ZNF395: variants seen among roughly 807,000 people sequenced by gnomAD.
ZNF395 encodes the protein zinc finger protein 395, also known as HD gene regulatory region-binding protein 2.
ZNF395 carries 20 observed loss-of-function variants against 57.7 expected under a neutral mutation model. That is an observed-to-expected ratio of 0.35 (90% CI 0.24 to 0.50). The LOEUF (loss-of-function observed/expected upper bound fraction) is 0.50, where lower values mean the gene tolerates loss of function less well. Among genes scored for constraint, ZNF395 ranks in the 20% least tolerant of loss-of-function variants. ZNF395 has a pLI of 0.97. For missense variants in ZNF395, 606 were observed against 671.2 expected (o/e 0.90, Z 1.07); for synonymous variants, 295 against 275.9 (o/e 1.07, Z -0.69).
chr8:28,357,824 G>A (rs1283465432), intron 3 of ZNF395, among the ~76,000 whole-genome samples: 1 of 152,174 alleles, frequency 6.6e-6, no homozygotes, highest in African/African-American at 2.4e-5. Context: ...AACACAGAGA[G>A]GTGGGATAGG....
At position 28,348,558 on chromosome 8, in the gene ZNF395, A is replaced by G. The variant is rs1333276869; in HGVS notation, c.*161T>C. ...TTTTAAAAAATAAAATGTTCGCACA[A>G]TGGGAGAAAATTGCTTTAAGTGTTA... On this transcript the variant is annotated 3_prime_UTR_variant, in exon 10 of 10. Transcript: ENST00000344423. The G allele has an allele frequency of 1.6e-6, 1 of 641,334 alleles. No homozygotes were observed. The highest frequency in any genetic ancestry group is 2.8e-6 in the Non-Finnish European group (1 of 361,942). 39.7% of individuals were successfully genotyped at this position (641,334 alleles called of 1,614,324 possible).
In ZNF395 at chr8:28,356,570, T is replaced by A. The variant is rs1801781699; in HGVS notation, c.583+100A>T. 4 of 799,530 alleles carry A rather than the reference T, an allele frequency of 5.0e-6. No individual in the cohort carries two copies. Among genetic ancestry groups the A allele is most frequent in the Non-Finnish European group, 8.0e-6 (4 of 497,506 alleles). The allele number at this position is 799,530 out of a possible 1,614,324, so 49.5% of individuals were successfully genotyped here. ...GTGGGAGGTGTCCCTGGACATTCTA[T>A]TGCCAGGCTGGTGACATAGGCAACT... On this transcript the variant is annotated intron_variant, in intron 4 of 9. Transcript: ENST00000344423. The surrounding 1 kb of genome is among the most constrained non-coding windows in gnomAD (Gnocchi z 4.0).
Position 28,359,536 on chromosome 8 carries a change from C to T in ZNF395, c.473+56G>A. 3 of 1,537,652 alleles carry T rather than the reference C, an allele frequency of 2.0e-6. No homozygotes were observed. Among genetic ancestry groups the T allele is most frequent in the Non-Finnish European group, 2.6e-6 (3 of 1,140,402 alleles). ...TCCCCACCACAACACAGCCCACACC[C>T]TTACACCACACTACCCACGTGACTT... is the stretch of plus-strand genomic sequence containing the variant. On this transcript the variant is annotated intron_variant, in intron 3 of 9. Coordinates refer to ENST00000344423, the MANE Select transcript of ZNF395 (RefSeq NM_018660.3). This position sits in a 1 kb window ranked among gnomAD's most constrained non-coding sequence, Gnocchi z 4.7.
At chr8:28,353,443 C>T (rs774128952) in intron 4 of ZNF395, 35 bp from the exon 5 acceptor site, 2 of 1,446,900 alleles carry the variant, frequency 1.4e-6, no homozygotes, top group South Asian at 1.4e-5. Flanking sequence ...AGGACGCTCA[C>T]GGGCGTGTCC....
Position 28,352,788 on chromosome 8 carries a change from TC to T in ZNF395, c.820-116del. On this transcript the variant is annotated intron_variant, in intron 5 of 9. Transcript: ENST00000344423. This position sits in a 1 kb window ranked among gnomAD's most constrained non-coding sequence, Gnocchi z 4.0. Reference sequence around the variant, plus strand: ...TCCCCGGCCTGACCCAACAAAAACCTCCAGGAAAGGGGTTCTCTGGGACCAG... The same window carrying T: ...TCCCCGGCCTGACCCAACAAAAACCTCAGGAAAGGGGTTCTCTGGGACCAG... 1.2e-6 allele frequency: 1 copy of T among 828,666 alleles called. No homozygotes were observed. Among genetic ancestry groups the T allele is most frequent in the Non-Finnish European group, 1.9e-6 (1 of 519,582 alleles). The allele number at this position is 828,666 out of a possible 1,614,324, so 51.3% of individuals were successfully genotyped here.
Position 28,359,456 on chromosome 8 carries a change from G to T in ZNF395, c.473+136C>A. 1 of 1,239,968 alleles carries T rather than the reference G, an allele frequency of 8.1e-7. No individual in the cohort carries two copies. The highest frequency in any genetic ancestry group is 1.1e-6 in the Non-Finnish European group (1 of 913,844). The allele number at this position is 1,239,968 out of a possible 1,614,324, so 76.8% of individuals were successfully genotyped here. A position where few individuals can be genotyped will look rare whatever the true frequency, so the allele number is the denominator to read the frequency against. ...TTTTCTTAAAAGATTCCCCTTTTCT[G>T]TGTCCCATTTGTCCCAATATCTTGG... On this transcript the variant is annotated intron_variant, in intron 3 of 9. Coordinates refer to ENST00000344423, the MANE Select transcript of ZNF395 (RefSeq NM_018660.3). This position sits in a 1 kb window ranked among gnomAD's most constrained non-coding sequence, Gnocchi z 4.7.
At chr8:28,364,920 G>A (rs1467774405) in intron 1 of ZNF395, among the ~76,000 whole-genome samples, 1 of 152,198 alleles carries the variant, frequency 6.6e-6, no homozygotes, top group Admixed American at 6.5e-5. Flanking sequence ...CTGTTAAGCA[G>A]CCCAAGCCAC....
chr8:28,364,245 C>T (rs577351223), intron 1 of ZNF395, among the ~76,000 whole-genome samples: 1 of 152,346 alleles, frequency 6.6e-6, no homozygotes, highest in South Asian at 2.1e-4. Flanking sequence ...TCAGAGGTCA[C>T]AATCCTGCCA....
chr8:28,370,763 C>T (rs886407552), intron 1 of ZNF395, among the ~76,000 whole-genome samples: 1 of 152,134 alleles, frequency 6.6e-6, no homozygotes, highest in African/African-American at 2.4e-5. Flanking sequence ...GACACACACA[C>T]CCCCGCCACC....
chr8:28,375,661 G>C (rs1321406025), intron 1 of ZNF395, among the ~76,000 whole-genome samples: 1 of 152,064 alleles, frequency 6.6e-6, no homozygotes, highest in African/African-American at 2.4e-5. Flanking sequence ...TTTCTCTCCC[G>C]GCTGCAGCAG....
chr8:28,355,856 C>A (rs1801772467), intron 4 of ZNF395, among the ~76,000 whole-genome samples: 1 of 152,170 alleles, frequency 6.6e-6, no homozygotes, highest in African/African-American at 2.4e-5. Flanking sequence ...TAGGGAGATT[C>A]CTTATGAGGG....
At chr8:28,377,748 CTTTTTTTTTTTT>C (rs71549661) in intron 1 of ZNF395, among the ~76,000 whole-genome samples, 2 of 100,634 alleles carry the variant, frequency 2.0e-5, no homozygotes, top group Non-Finnish European at 3.7e-5. Flanking sequence ...GATGATCCCA[CTTTTTTTTTTTT>C]TTTTTTTTTT....
At position 28,353,372 on chromosome 8, in the gene ZNF395, C is replaced by A; in HGVS notation, c.620G>T (p.Gly207Val). The change falls in exon 5 of 10, where the codon GGT (glycine) becomes GTT (valine). Residue 207 changes from glycine (G) to valine (V), a missense_variant. This residue lies in a region of ZNF395 where 309 missense variants were observed against 374.7 expected (regional missense o/e 0.82). Transcript: ENST00000344423. ...GCTGCTGCCGCTGTCCGAGATGTCA[C>A]CACTCTCCTTCCATGGGTCGCAGGC... Reference protein sequence around the residue: ...RAACDPWKESGDISDSGSSTT... With the variant: ...RAACDPWKESVDISDSGSSTT... 6.3e-7 allele frequency: 1 copy of A among 1,583,876 alleles called. No individual in the cohort carries two copies. The highest frequency in any genetic ancestry group is 8.6e-7 in the Non-Finnish European group (1 of 1,163,858).
rs1392983413 is a variant in ZNF395, at chr8:28,351,557, C to T, written c.1171G>A (p.Gly391Arg). The change falls in exon 7 of 10, where the codon GGG becomes AGG. Residue 391 changes from glycine to arginine, a missense_variant. By Grantham distance (125) the Gly-to-Arg change is moderately radical. Around this residue, in one of 3 missense-constraint regions of ZNF395, gnomAD observed 261 missense variants for 240.3 expected, o/e 1.09. Coordinates refer to ENST00000344423, the MANE Select transcript of ZNF395 (RefSeq NM_018660.3). ...CCAGGAGCTGACTTGCTGAGAGCCC[C>T]TGAGGGCAGGGAGGACTCCGGGCCA... ...HPGPESSLPSGALSKSAPGSF... is the reference protein window; with the variant it reads ...HPGPESSLPSRALSKSAPGSF... 1.9e-6 allele frequency: 3 copies of T among 1,613,790 alleles called. No individual in the cohort carries two copies. The South Asian group carries it at 3.3e-5, about 18-fold the overall frequency.
At chr8:28,384,492 C>T (rs529648554) in intron 1 of ZNF395, among the ~76,000 whole-genome samples, 1 of 152,284 alleles carries the variant, frequency 6.6e-6, no homozygotes, top group African/African-American at 2.4e-5. Context: ...GTTACCATTC[C>T]CTCTCTTGGC....
chr8:28,373,037 T>C (rs1297843166), intron 1 of ZNF395, among the ~76,000 whole-genome samples: 1 of 152,204 alleles, frequency 6.6e-6, no homozygotes, highest in Non-Finnish European at 1.5e-5. Context: ...GATGCTGGAA[T>C]ACCCCAGTGA....
intron 1 of ZNF395, among the ~76,000 whole-genome samples, chr8:28,363,131 GTTTT>G (rs71549659): frequency 6.9e-6 from 1 of 144,836 alleles, no homozygotes; most frequent in Non-Finnish European, 1.5e-5. Flanking sequence ...TTTTGTTTGG[GTTTT>G]TTTTTTTGTT....
intron 2 of ZNF395, 32 bp downstream of exon 2, chr8:28,360,853 C>G: frequency 1.2e-6 from 2 of 1,608,044 alleles, no homozygotes; most frequent in Non-Finnish European, 1.7e-6. Context: ...ACTGGCAAGA[C>G]GGGACACCTG....
chr8:28,355,729 A>C (rs958259718), intron 4 of ZNF395, among the ~76,000 whole-genome samples: 1 of 152,218 alleles, frequency 6.6e-6, no homozygotes, highest in Non-Finnish European at 1.5e-5. Context: ...TGCAATACTA[A>C]GCTTCACAGC....
Sources: gnomAD v4.1 joint callset for allele counts (sites outside exome capture counted in the v4.1 genomes callset) on GRCh38, gnomAD v4.1.1 for gene constraint, gnomAD v4.1.1 regional missense constraint, Gnocchi (gnomAD v3.1) non-coding constraint, MANE v1.5 for transcripts, NCBI Gene and HGNC (gene_info 2026-07-23, HGNC 2026-07-21) for gene names.